Variants in NRCAM observed in about 807,000 individuals in gnomAD.
NRCAM encodes NgCAM-related cell adhesion molecule.
In NRCAM, 83 loss-of-function variants were observed where a neutral mutation model predicts 156.5. The observed-to-expected ratio is 0.53, with a 90% CI of 0.44 to 0.64. The LOEUF is 0.64. Ranked by LOEUF, NRCAM falls within the 30% of genes least tolerant of loss-of-function variation. The pLI is 0.00. For synonymous variants in NRCAM, 538 were observed against 563.9 expected (o/e 0.95, Z 0.65); for missense variants, 1,417 against 1,597.3 (o/e 0.89, Z 1.92).
intron 3 of NRCAM, among the ~76,000 whole-genome samples, chr7:108,288,463 A>G (rs2098178719): frequency 6.6e-6 from 1 of 152,144 alleles, no homozygotes; most frequent in South Asian, 2.1e-4. Context: ...ACATCAGTGT[A>G]GTATTTTGAG....
At chr7:108,441,718 G>A (rs982595640) in intron 1 of NRCAM, among the ~76,000 whole-genome samples, 4 of 152,194 alleles carry the variant, frequency 2.6e-5, no homozygotes, top group Admixed American at 2.6e-4. Flanking sequence ...TCTATAAAAT[G>A]AGTATAATAG....
intron 1 of NRCAM, among the ~76,000 whole-genome samples, chr7:108,404,008 T>C (rs1415766448): frequency 6.6e-6 from 1 of 152,168 alleles, no homozygotes; most frequent in East Asian, 1.9e-4. Context: ...TCTTAGTTTT[T>C]CTGACTCCAC....
At chr7:108,178,366 T>C (rs2061770936) in intron 25 of NRCAM, 2 of 479,302 alleles carry the variant, frequency 4.2e-6, no homozygotes, top group Non-Finnish European at 7.8e-6. Context: ...TGCCTTTAGA[T>C]GGACTCAAAC....
At chr7:108,408,832 C>A (rs1182963668) in intron 1 of NRCAM, among the ~76,000 whole-genome samples, 2 of 152,192 alleles carry the variant, frequency 1.3e-5, no homozygotes, top group Admixed American at 6.5e-5. Context: ...ATGGAGCCGA[C>A]CCTCATTCAG....
rs1370411599 is a variant in NRCAM at position 108,441,451 on chromosome 7, C to G, written c.-332+14792G>C. 3.3e-5 allele frequency among the ~76,000 whole-genome samples: 5 copies of G among 152,318 alleles called. No individual in the cohort carries two copies. In the Middle Eastern group the frequency reaches 0.01, roughly 311 times the overall value. ...TGTAGATTAGATTAGACTATCTACA[C>G]TTTCCTAAATAGCATCTTCAGGACT... On this transcript the variant is annotated intron_variant, in intron 1 of 32. Coordinates refer to ENST00000379028, the MANE Select transcript of NRCAM (RefSeq NM_001037132.4).
At chr7:108,171,709 A>G (rs1445676604) in intron 28 of NRCAM, among the ~76,000 whole-genome samples, 1 of 152,066 alleles carries the variant, frequency 6.6e-6, no homozygotes, top group Non-Finnish European at 1.5e-5. Context: ...TACTCTTTCT[A>G]TACGTTGGTC....
chr7:108,224,127 G>A (rs1330154742), intron 10 of NRCAM, among the ~76,000 whole-genome samples: 4 of 151,984 alleles, frequency 2.6e-5, no homozygotes, highest in African/African-American at 7.3e-5. Context: ...AATTTTCTGT[G>A]GGTTAGAAAA....
chr7:108,194,624 G>C (rs1476107733), intron 15 of NRCAM, among the ~76,000 whole-genome samples, 196 bp from the exon 16 acceptor site: 1 of 152,304 alleles, frequency 6.6e-6, no homozygotes, highest in East Asian at 1.9e-4. Flanking sequence ...GAGGAGAAGT[G>C]AAACGGATGA....
At position 108,232,203 on chromosome 7, in the gene NRCAM, A is replaced by G. The variant is rs1473161077; in HGVS notation, c.427+123T>C. ...AGGAGCAATAACTTTCATGCAAAAC[A>G]AAGTCAGAATATTGGAAGCAATGCC... On this transcript the variant is annotated intron_variant, in intron 7 of 32. Transcript: ENST00000379028. 13 of 733,980 alleles carry G rather than the reference A, an allele frequency of 1.8e-5. No homozygotes were observed. In the East Asian group the frequency reaches 2.5e-4, roughly 14 times the overall value. The allele number at this position is 733,980 out of a possible 1,614,324, so 45.5% of individuals were successfully genotyped here. A position where few individuals can be genotyped will look rare whatever the true frequency, so the allele number is the denominator to read the frequency against.
chr7:108,420,249 C>A (rs1184488038), intron 1 of NRCAM, among the ~76,000 whole-genome samples: 2 of 152,062 alleles, frequency 1.3e-5, no homozygotes, highest in East Asian at 3.9e-4. Context: ...GTAGATATTA[C>A]TATAGAGATT....
At position 108,303,134 on chromosome 7, in the gene NRCAM, A is replaced by G. The variant is rs1006703209; in HGVS notation, c.-107+9531T>C. Among the ~76,000 whole-genome samples the G allele has an allele frequency of 4.6e-5, 7 of 151,816 alleles. No individual in the cohort carries two copies. The South Asian group carries it at 1.5e-3, about 32-fold the overall frequency. On this transcript the variant is annotated intron_variant, in intron 3 of 32. Transcript: ENST00000379028. Reference sequence around the variant, plus strand: ...GTGCCACCACGCCCAGGTAATTTTTATATTTTTAGTAGAGATGGGGTTTCA... The same window carrying G: ...GTGCCACCACGCCCAGGTAATTTTTGTATTTTTAGTAGAGATGGGGTTTCA...
intron 2 of NRCAM, among the ~76,000 whole-genome samples, chr7:108,345,758 CTG>C (rs1405572656): frequency 1.3e-5 from 2 of 152,216 alleles, no homozygotes; most frequent in Non-Finnish European, 2.9e-5. Context: ...CCTTCCAAAA[CTG>C]TGAGAAATAA....
intron 2 of NRCAM, among the ~76,000 whole-genome samples, chr7:108,361,759 T>C (rs980228078): frequency 6.6e-6 from 1 of 152,214 alleles, no homozygotes; most frequent in Non-Finnish European, 1.5e-5. Context: ...GCCAAATCTC[T>C]TTATTATATA....
chr7:108,172,613 G>A (rs1370020667), intron 28 of NRCAM, among the ~76,000 whole-genome samples: 1 of 151,986 alleles, frequency 6.6e-6, no homozygotes, highest in East Asian at 1.9e-4. Flanking sequence ...AAGAGACATA[G>A]AAATTGAAAA....
At chr7:108,454,446 T>C (rs1006405608) in intron 1 of NRCAM, among the ~76,000 whole-genome samples, 4 of 152,184 alleles carry the variant, frequency 2.6e-5, no homozygotes. Context: ...AAGCCTTCAT[T>C]TCCTAATTTT....
chr7:108,240,270 A>C (rs1020232028), intron 3 of NRCAM, 100 bp from the exon 4 acceptor site: 2 of 402,612 alleles, frequency 5.0e-6, no homozygotes, highest in South Asian at 3.7e-5. Context: ...TGTATTATAC[A>C]TGAACTCTAA....
intron 2 of NRCAM, among the ~76,000 whole-genome samples, chr7:108,382,114 G>A (rs2099704155): frequency 6.6e-6 from 1 of 152,160 alleles, no homozygotes; most frequent in South Asian, 2.1e-4. Context: ...CTGTGAAGGG[G>A]TGCATGGTAA....
chr7:108,180,238 T>C lies in NRCAM; in HGVS notation c.2836A>G (p.Asn946Asp), dbSNP rs760962802. The C allele has an allele frequency of 1.2e-6, 2 of 1,614,146 alleles. No homozygotes were observed. The highest frequency in any genetic ancestry group is 2.2e-5 in the South Asian group (2 of 91,072). Residue 946 changes from asparagine (N) to aspartate (D), a missense_variant, in exon 25 of 33, where the codon AAT (asparagine) becomes GAT (aspartate). Asn to Asp is a conservative substitution (Grantham distance 23). Transcript: ENST00000379028. ...CATTCCATACCTCCTTCTGGAGTAT[T>C]AAAGACTCTGTCAGGGCTGGCTGGG... Reference protein sequence around the residue: ...EGPASPDRVFNTPEGVPSAPS... With the variant: ...EGPASPDRVFDTPEGVPSAPS...
At chr7:108,346,132 G>A (rs943742056) in intron 2 of NRCAM, among the ~76,000 whole-genome samples, 19 of 152,306 alleles carry the variant, frequency 1.2e-4, no homozygotes, top group African/African-American at 2.9e-4. Flanking sequence ...TGGGGGTGGC[G>A]AGGAGACAAT....
Sources: gnomAD v4.1 joint callset for allele counts (sites outside exome capture counted in the v4.1 genomes callset) on GRCh38, gnomAD v4.1.1 for gene constraint, MANE v1.5 for transcripts, NCBI Gene and HGNC (gene_info 2026-07-23, HGNC 2026-07-21) for gene names.